The following PCDHGA7 variants were observed in gnomAD, a reference collection of about 807,000 sequenced individuals.
PCDHGA7 encodes protocadherin gamma-A7.
PCDHGA7 carries 44 observed loss-of-function variants against 58.3 expected under a neutral mutation model. The observed-to-expected ratio is 0.75, with a 90% CI of 0.59 to 0.97. PCDHGA7 has a LOEUF of 0.97. Ranked by LOEUF, PCDHGA7 falls within the 50% of genes least tolerant of loss-of-function variation. The pLI is 0.00. For synonymous variants in PCDHGA7, 516 were observed against 504.2 expected, an observed-to-expected ratio of 1.02 and a Z score of -0.31; for missense variants, 1,266 against 1,188.7, an observed-to-expected ratio of 1.06 and a Z score of -0.96.
intron 1 of PCDHGA7, chr5:141,405,547 G>A (rs2094685057): frequency 1.6e-6 from 1 of 629,986 alleles, no homozygotes; most frequent in Non-Finnish European, 2.7e-6. Context: ...AGCCTCCCAA[G>A]TAGAGTAGCT....
intron 1 of PCDHGA7, chr5:141,390,115 G>A: frequency 1.2e-6 from 2 of 1,614,036 alleles, no homozygotes; most frequent in Non-Finnish European, 1.7e-6. Flanking sequence ...TACAGCGAGG[G>A]GACTTTGCCT....
intron 1 of PCDHGA7, among the ~76,000 whole-genome samples, chr5:141,402,647 A>C (rs2094289901): frequency 6.6e-6 from 1 of 152,250 alleles, no homozygotes; most frequent in Non-Finnish European, 1.5e-5. Flanking sequence ...TCATAATTAG[A>C]AGAGAGTAGT....
intron 1 of PCDHGA7, chr5:141,389,855 G>T: frequency 6.2e-7 from 1 of 1,614,060 alleles, no homozygotes; most frequent in Non-Finnish European, 8.5e-7. Context: ...CCACTGCCAC[G>T]TTGCACCTGG....
Position 141,383,159 on chromosome 5 carries a change from CG to C in PCDHGA7, c.263del (p.Gly88AlafsTer3), listed in dbSNP as rs546342817. Reference protein sequence around the residue: ...LNQRSGSLVTAGRIDREEICA... With the variant: ...LNQRSGSLVTXGRIDREEICA... ...CAGCGCAGCGGCAGCTTGGTCACTG[CG>C]GGCAGGATAGACCGGGAAGAGATCT... On this transcript the variant is annotated frameshift_variant, in exon 1 of 4. Transcript: ENST00000518325. LOFTEE classifies it high-confidence loss of function. 2.4e-4 allele frequency: 391 copies of C among 1,614,104 alleles called. 5 individuals are homozygous for C. In the South Asian group the frequency reaches 3.9e-3, roughly 16 times the overall value.
intron 1 of PCDHGA7, chr5:141,399,668 G>A (rs756009874): frequency 1.7e-5 from 28 of 1,613,644 alleles, no homozygotes; most frequent in Non-Finnish European, 8.5e-7. Flanking sequence ...TTCGCGCAGC[G>A]CGCCTTTGAC....
intron 2 of PCDHGA7, among the ~76,000 whole-genome samples, chr5:141,498,039 A>G (rs2099781185): frequency 6.6e-6 from 1 of 152,264 alleles, no homozygotes; most frequent in Non-Finnish European, 1.5e-5. Flanking sequence ...CCAAATAATT[A>G]CAAAAATAAA....
At chr5:141,473,884 G>T (rs1162382168) in intron 1 of PCDHGA7, among the ~76,000 whole-genome samples, 1 of 152,162 alleles carries the variant, frequency 6.6e-6, no homozygotes, top group African/African-American at 2.4e-5. Context: ...ATACACAAGG[G>T]TTCTGTTGGT....
Position 141,491,300 on chromosome 5 carries a change from G to A in PCDHGA7, c.2425-3507G>A, listed in dbSNP as rs2099710472. On this transcript the variant is annotated intron_variant, in intron 1 of 3. Coordinates refer to ENST00000518325, the MANE Select transcript of PCDHGA7 (RefSeq NM_018920.4). This position sits in a 1 kb window ranked among gnomAD's most constrained non-coding sequence, Gnocchi z 6.9. ...GACTTCCTCATACACCCTCCTGAGC[G>A]TTCAGACCTTACCCTTTACCTCATT... 1 of 1,614,136 alleles carries A rather than the reference G, an allele frequency of 6.2e-7. No homozygotes were observed. The highest frequency in any genetic ancestry group is 1.1e-5 in the South Asian group (1 of 91,086).
chr5:141,511,598 A>C lies in PCDHGA7; in HGVS notation c.*425A>C. ...GGTTGGGGTGTTGAAGTACCAAGTA[A>C]CCTACAAGCCTCCTAGTTCTGAAAA... On this transcript the variant is annotated 3_prime_UTR_variant, in exon 4 of 4. Transcript: ENST00000518325. 3.9e-6 allele frequency: 1 copy of C among 255,742 alleles called. No individual in the cohort carries two copies. The highest frequency in any genetic ancestry group is 7.8e-6 in the Non-Finnish European group (1 of 127,952). The allele number at this position is 255,742 out of a possible 1,614,324, so 15.8% of individuals were successfully genotyped here.
intron 1 of PCDHGA7, chr5:141,422,849 C>A: frequency 1.2e-6 from 2 of 1,614,238 alleles, no homozygotes; most frequent in Non-Finnish European, 8.5e-7. Context: ...AGCGGGGACC[C>A]GCCCCTCAGC....
intron 1 of PCDHGA7, chr5:141,389,274 C>T (rs183257097): frequency 1.2e-6 from 2 of 1,614,032 alleles, no homozygotes; most frequent in Non-Finnish European, 8.5e-7. Flanking sequence ...CGAGAACAAC[C>T]CGCCTGGAGC....
chr5:141,446,415 T>C (rs1275165245), intron 1 of PCDHGA7, among the ~76,000 whole-genome samples: 2 of 152,046 alleles, frequency 1.3e-5, no homozygotes, highest in African/African-American at 4.8e-5. Flanking sequence ...GTTCCAGCCA[T>C]GTTCATTTGA....
chr5:141,394,501 T>C (rs768158418), intron 1 of PCDHGA7: 1 of 1,614,216 alleles, frequency 6.2e-7, no homozygotes, highest in Admixed American at 1.7e-5. Context: ...CCCGAGATCC[T>C]GTACCCCGCC....
intron 1 of PCDHGA7, chr5:141,415,752 T>TG: frequency 1.6e-5 from 22 of 1,372,540 alleles, no homozygotes; most frequent in Middle Eastern, 2.6e-4. Flanking sequence ...TTTTTTTTTT[T>TG]TTTTTTTTTT....
At chr5:141,390,163 C>G (rs376391116) in intron 1 of PCDHGA7, 6 of 1,613,992 alleles carry the variant, frequency 3.7e-6, no homozygotes, top group Non-Finnish European at 5.1e-6. Flanking sequence ...ACAGGAAAGA[C>G]GGAGTTTAAT....
chr5:141,478,576 G>C (rs543160289), intron 1 of PCDHGA7: 3 of 1,585,598 alleles, frequency 1.9e-6, no homozygotes, highest in Middle Eastern at 3.3e-4. Flanking sequence ...GCTTGACCCT[G>C]TTAGTGCTTT....
intron 1 of PCDHGA7, chr5:141,417,885 G>A (rs761442517): frequency 2.6e-6 from 4 of 1,562,806 alleles, no homozygotes; most frequent in Admixed American, 1.9e-5. Flanking sequence ...GCGCAGAGGC[G>A]CCGGGCCGGC....
chr5:141,487,656 C>G lies in PCDHGA7; in HGVS notation c.2425-7151C>G. ...GCTCAACAAATGCTTGAGGGTTATT[C>G]TGATCCAGGCATATGGCTAGGCCAT... On this transcript the variant is annotated intron_variant, in intron 1 of 3. Coordinates refer to ENST00000518325, the MANE Select transcript of PCDHGA7 (RefSeq NM_018920.4). The surrounding 1 kb of genome is among the most constrained non-coding windows in gnomAD (Gnocchi z 5.0). 6.2e-7 allele frequency: 1 copy of G among 1,613,658 alleles called. No individual in the cohort carries two copies. Among genetic ancestry groups the G allele is most frequent in the Non-Finnish European group, 8.5e-7 (1 of 1,179,794 alleles).
intron 1 of PCDHGA7, among the ~76,000 whole-genome samples, chr5:141,434,935 T>C (rs952530533): frequency 6.6e-6 from 1 of 151,788 alleles, no homozygotes; most frequent in Non-Finnish European, 1.5e-5. Flanking sequence ...TTTTATATAA[T>C]AGATATAATT....
Sources: gnomAD v4.1 joint callset for allele counts (sites outside exome capture counted in the v4.1 genomes callset) on GRCh38, gnomAD v4.1.1 for gene constraint, Gnocchi (gnomAD v3.1) non-coding constraint, MANE v1.5 for transcripts, NCBI Gene and HGNC (gene_info 2026-07-23, HGNC 2026-07-21) for gene names.